Variants in CADM2 observed in about 807,000 individuals in gnomAD.
CADM2 encodes cell adhesion molecule 2, also known as immunoglobulin superfamily member 4D.
In CADM2, 12 loss-of-function variants were observed where a neutral mutation model predicts 49.8. That is an observed-to-expected ratio of 0.24 (90% CI 0.15 to 0.39). The LOEUF is 0.39. Among genes scored for constraint, CADM2 ranks in the 10% least tolerant of loss-of-function variants. CADM2 has a pLI of 1.00. For missense variants in CADM2, 378 were observed against 492.3 expected, an observed-to-expected ratio of 0.77 and a Z score of 2.20; for synonymous variants, 214 against 175.4, an observed-to-expected ratio of 1.22 and a Z score of -1.74.
chr3:85,039,925 T>C (rs1439429523), intron 1 of CADM2, among the ~76,000 whole-genome samples: 2 of 152,198 alleles, frequency 1.3e-5, no homozygotes, highest in Non-Finnish European at 2.9e-5. Flanking sequence ...ACTTCCTTTA[T>C]ACTTAATAAA....
rs199795868 is a variant in CADM2, at chr3:85,645,708, A to G, written c.62-80814A>G. Among the ~76,000 whole-genome samples, 30 of 152,156 alleles carry G rather than the reference A, an allele frequency of 2.0e-4. 2 individuals are homozygous for G. The East Asian group carries it at 5.2e-3, about 26-fold the overall frequency. ...TGAACTTTTTTAAAAGTAAAAATAT[A>G]TAATCTGTAAAGAATATCCTTACAA... On this transcript the variant is annotated intron_variant, in intron 1 of 9. Coordinates refer to ENST00000383699, the MANE Select transcript of CADM2 (RefSeq NM_001167675.2).
intron 1 of CADM2, among the ~76,000 whole-genome samples, chr3:85,050,241 G>A (rs116284836): frequency 6.6e-6 from 1 of 151,920 alleles, no homozygotes; most frequent in African/African-American, 2.4e-5. Flanking sequence ...CAGGTAGGAG[G>A]CTCTAACTGC....
intron 1 of CADM2, among the ~76,000 whole-genome samples, chr3:85,233,278 G>A (rs1448854730): frequency 6.6e-6 from 1 of 152,028 alleles, no homozygotes; most frequent in Non-Finnish European, 1.5e-5. Context: ...GGTGGTTTTA[G>A]GTCAGTGAAA....
rs143364657 is a variant in CADM2 at position 85,461,424 on chromosome 3, G to A, written c.62-265098G>A. ...TTTCCTACAATTTCACATAACATAC[G>A]CTTTTATTGATACTTTTTAGTAAAA... On this transcript the variant is annotated intron_variant, in intron 1 of 9. Coordinates refer to ENST00000383699, the MANE Select transcript of CADM2 (RefSeq NM_001167675.2). Among the ~76,000 whole-genome samples the A allele has an allele frequency of 6.6e-5, 10 of 152,198 alleles. No homozygotes were observed. The South Asian group carries it at 8.3e-4, about 13-fold the overall frequency.
intron 1 of CADM2, among the ~76,000 whole-genome samples, chr3:85,004,774 T>C (rs1251799823): frequency 1.3e-5 from 2 of 152,124 alleles, no homozygotes; most frequent in Non-Finnish European, 2.9e-5. Context: ...CCATGTTAAG[T>C]AGTTTGATTT....
intron 7 of CADM2, among the ~76,000 whole-genome samples, chr3:85,944,668 G>A (rs976085407): frequency 6.6e-6 from 1 of 152,068 alleles, no homozygotes. Context: ...ACCTGCTCCT[G>A]AATGACTACT....
chr3:85,909,178 A>G (rs1358482362), intron 5 of CADM2, among the ~76,000 whole-genome samples: 1 of 152,134 alleles, frequency 6.6e-6, no homozygotes, highest in Non-Finnish European at 1.5e-5. Context: ...ATTCTCTCCC[A>G]GTCAGTTTCC....
chr3:85,086,417 G>C (rs1478132550), intron 1 of CADM2, among the ~76,000 whole-genome samples: 1 of 151,070 alleles, frequency 6.6e-6, no homozygotes, highest in Non-Finnish European at 1.5e-5. Context: ...CTAGGCATTT[G>C]CTTTCTAGTG....
Position 85,296,194 on chromosome 3 carries a change from A to G in CADM2, c.61+336526A>G, listed in dbSNP as rs113411545. 6.0e-3 allele frequency among the ~76,000 whole-genome samples: 920 copies of G among 152,166 alleles called. 14 individuals carry two copies. Among genetic ancestry groups the G allele is most frequent in the African/African-American group, 0.021 (856 of 41,542 alleles). ...ATGCAGCAGTAACATTTGTCCAGAA[A>G]GACAAATGATGACTTTGAGAAAGTA... On this transcript the variant is annotated intron_variant, in intron 1 of 9. Transcript: ENST00000383699.
At position 85,955,502 on chromosome 3, in the gene CADM2, C is replaced by T. The variant is rs114058083; in HGVS notation, c.792-5967C>T. 5.5e-3 allele frequency among the ~76,000 whole-genome samples: 830 copies of T among 151,332 alleles called. 5 individuals carry two copies. The highest frequency in any genetic ancestry group is 0.024 in the Middle Eastern group (7 of 294). ...AAGAACCTAAAAGAGGGGATGTGAACGATTAAGGCAAAGAAAGTTTCCATT... is the reference window on the plus strand; with the variant it reads ...AAGAACCTAAAAGAGGGGATGTGAATGATTAAGGCAAAGAAAGTTTCCATT... On this transcript the variant is annotated intron_variant, in intron 7 of 9. Transcript: ENST00000383699.
intron 1 of CADM2, among the ~76,000 whole-genome samples, chr3:85,338,303 ATC>A (rs1480036959): frequency 6.6e-6 from 1 of 151,658 alleles, no homozygotes; most frequent in Non-Finnish European, 1.5e-5. Flanking sequence ...GTCAATTTTC[ATC>A]TGTTTAGTGA....
At chr3:85,999,061 G>A (rs998039254) in intron 8 of CADM2, among the ~76,000 whole-genome samples, 3 of 152,138 alleles carry the variant, frequency 2.0e-5, no homozygotes, top group Admixed American at 1.3e-4. Context: ...AACATGCAGA[G>A]TTTTAAAAAG....
chr3:85,133,168 C>A (rs1397096896), intron 1 of CADM2, among the ~76,000 whole-genome samples: 2 of 152,206 alleles, frequency 1.3e-5, no homozygotes, highest in South Asian at 4.2e-4. Context: ...CAGTGTGGAC[C>A]CAAAGAGTGA....
At chr3:85,756,296 CTTCTT>C (rs1199734601) in intron 2 of CADM2, among the ~76,000 whole-genome samples, 1 of 152,076 alleles carries the variant, frequency 6.6e-6, no homozygotes, top group African/African-American at 2.4e-5. Context: ...TTCTCACAAA[CTTCTT>C]TTCTCCACTT....
intron 1 of CADM2, among the ~76,000 whole-genome samples, chr3:85,052,722 T>C (rs1364563886): frequency 1.3e-5 from 2 of 152,112 alleles, no homozygotes; most frequent in Admixed American, 6.6e-5. Flanking sequence ...CTAATTTATA[T>C]AACTTGTAAT....
At chr3:85,098,829 G>A (rs752818291) in intron 1 of CADM2, among the ~76,000 whole-genome samples, 11 of 152,230 alleles carry the variant, frequency 7.2e-5, no homozygotes, top group Admixed American at 1.3e-4. Flanking sequence ...AAACAAATCC[G>A]CGTATAAGTG....
At chr3:85,652,309 G>A (rs139803376) in intron 1 of CADM2, among the ~76,000 whole-genome samples, 41 of 152,190 alleles carry the variant, frequency 2.7e-4, no homozygotes, top group African/African-American at 8.4e-4. Context: ...ATCTGCGTTA[G>A]TTGTCTTGCA....
chr3:85,456,610 C>G (rs190420835), intron 1 of CADM2, among the ~76,000 whole-genome samples: 1 of 152,064 alleles, frequency 6.6e-6, no homozygotes, highest in African/African-American at 2.4e-5. Context: ...TCTCTTGAAC[C>G]TTTTCTGATA....
intron 1 of CADM2, among the ~76,000 whole-genome samples, chr3:85,259,709 A>G: frequency 6.6e-6 from 1 of 152,066 alleles, no homozygotes; most frequent in East Asian, 1.9e-4. Flanking sequence ...CCAAAGGAGC[A>G]CTCTGGCCCC....
Sources: gnomAD v4.1 joint callset for allele counts (sites outside exome capture counted in the v4.1 genomes callset) on GRCh38, gnomAD v4.1.1 for gene constraint, MANE v1.5 for transcripts, NCBI Gene and HGNC (gene_info 2026-07-23, HGNC 2026-07-21) for gene names.